The following PTDSS1 variants were observed in gnomAD, a reference collection of about 807,000 sequenced individuals.
The protein encoded by PTDSS1 is phosphatidylserine synthase 1, also known as PSS-1.
In PTDSS1, 45 loss-of-function variants were observed where a neutral mutation model predicts 70.5. The observed-to-expected ratio is 0.64, with a 90% CI of 0.50 to 0.82. The LOEUF is 0.82. Ranked by LOEUF, PTDSS1 falls within the 40% of genes least tolerant of loss-of-function variation. The probability of loss-of-function intolerance (pLI) is 0.00; values close to 1 mark genes in which losing one functional copy is unlikely to be tolerated. For missense variants in PTDSS1, 417 were observed against 586.1 expected, an observed-to-expected ratio of 0.71 and a Z score of 2.98; for synonymous variants, 188 against 203.8, an observed-to-expected ratio of 0.92 and a Z score of 0.66.
At chr8:96,283,095 T>C (rs967904213) in intron 2 of PTDSS1, among the ~76,000 whole-genome samples, 34 of 152,226 alleles carry the variant, frequency 2.2e-4, no homozygotes. Flanking sequence ...CTGCCCCTAC[T>C]GGCCAGGGCT....
chr8:96,287,345 C>G, intron 4 of PTDSS1, 199 bp downstream of exon 4: 1 of 625,216 alleles, frequency 1.6e-6, no homozygotes. Flanking sequence ...CCTCTCATTA[C>G]GCAAAGGGGT....
chr8:96,298,042 C>T (rs1440635949), intron 5 of PTDSS1, among the ~76,000 whole-genome samples: 1 of 152,216 alleles, frequency 6.6e-6, no homozygotes, highest in Non-Finnish European at 1.5e-5. Flanking sequence ...CCCACTTTCT[C>T]TTGCATAGTT....
intron 8 of PTDSS1, among the ~76,000 whole-genome samples, chr8:96,308,071 C>T (rs1219607597): frequency 6.6e-6 from 1 of 152,194 alleles, no homozygotes; most frequent in Non-Finnish European, 1.5e-5. Context: ...GATTTTAACA[C>T]AGCCACCCCA....
chr8:96,311,323 G>C (rs1811209464), intron 9 of PTDSS1, among the ~76,000 whole-genome samples: 1 of 152,118 alleles, frequency 6.6e-6, no homozygotes, highest in Non-Finnish European at 1.5e-5. Flanking sequence ...GAGTATGAGA[G>C]TATAAAGAAA....
At chr8:96,276,980 G>GCACACACACACACA (rs57116529) in intron 2 of PTDSS1, among the ~76,000 whole-genome samples, 31 of 145,896 alleles carry the variant, frequency 2.1e-4, no homozygotes, top group African/African-American at 8.2e-4. Flanking sequence ...GCACGCGCGC[G>GCACACACACACACA]CACACACACA....
intron 2 of PTDSS1, among the ~76,000 whole-genome samples, chr8:96,279,776 G>A (rs573455002): frequency 2.6e-5 from 4 of 151,966 alleles, no homozygotes; most frequent in East Asian, 1.9e-4. Context: ...CCGAGATTGC[G>A]CCACTGCACT....
chr8:96,287,063 T>C lies in PTDSS1; in HGVS notation c.358T>C (p.Phe120Leu), dbSNP rs1054151156. 1.2e-6 allele frequency: 2 copies of C among 1,613,896 alleles called. No homozygotes were observed. Among genetic ancestry groups the C allele is most frequent in the African/African-American group, 2.7e-5 (2 of 74,932 alleles). Residue 120 changes from phenylalanine to leucine, a missense_variant, in exon 4 of 13, where the codon TTC becomes CTC. By Grantham distance (22) the Phe-to-Leu change is conservative. Transcript: ENST00000517309. ...CTTCCTGTTCCTGGTATTCCTACTCTTCCTGAATTTCGAGCAGGTTAAATC... is the reference window on the plus strand; with the variant it reads ...CTTCCTGTTCCTGGTATTCCTACTCCTCCTGAATTTCGAGCAGGTTAAATC... ...LYFLFLVFLL[F>L]LNFEQVKSLM...
intron 3 of PTDSS1, 46 bp downstream of exon 3, chr8:96,284,199 C>CT (rs1174944191): frequency 1.3e-6 from 2 of 1,491,548 alleles, no homozygotes; most frequent in East Asian, 2.3e-5. Flanking sequence ...TTTTTTTAAT[C>CT]TTTTTTCTGC....
At chr8:96,278,966 G>GCA (rs1554582698) in intron 2 of PTDSS1, among the ~76,000 whole-genome samples, 161 of 136,840 alleles carry the variant, frequency 1.2e-3, no homozygotes, top group African/African-American at 4.3e-3. Flanking sequence ...ACACCATTCA[G>GCA]CCCCCCTTTT....
chr8:96,298,137 G>A (rs1473730490), intron 5 of PTDSS1, among the ~76,000 whole-genome samples: 1 of 152,132 alleles, frequency 6.6e-6, no homozygotes, highest in Non-Finnish European at 1.5e-5. Context: ...TCCATCTCGT[G>A]GCTTGGAACC....
At chr8:96,283,991 AC>A in intron 2 of PTDSS1, 117 bp from the exon 3 acceptor site, 13 of 777,586 alleles carry the variant, frequency 1.7e-5, no homozygotes, top group Admixed American at 2.9e-5. Flanking sequence ...AAAAAAAAAA[AC>A]TTTTAACAGT....
At chr8:96,294,837 T>C (rs1374015139) in intron 4 of PTDSS1, among the ~76,000 whole-genome samples, 1 of 152,234 alleles carries the variant, frequency 6.6e-6, no homozygotes, top group Non-Finnish European at 1.5e-5. Flanking sequence ...CTTTAGGATA[T>C]GTTGAGCCTT....
intron 9 of PTDSS1, among the ~76,000 whole-genome samples, chr8:96,317,274 G>A (rs980219798): frequency 6.6e-6 from 1 of 151,568 alleles, no homozygotes; most frequent in Non-Finnish European, 1.5e-5. Context: ...CCTCAGTCTG[G>A]GACTCTCCAC....
At chr8:96,303,887 G>C (rs946064126) in intron 6 of PTDSS1, among the ~76,000 whole-genome samples, 153 bp from the exon 7 acceptor site, 2 of 152,110 alleles carry the variant, frequency 1.3e-5, no homozygotes, top group African/African-American at 4.8e-5. Flanking sequence ...TACCTGTATA[G>C]AGAGACCTTT....
chr8:96,326,530 G>A (rs1218981407), intron 10 of PTDSS1, among the ~76,000 whole-genome samples: 1 of 152,192 alleles, frequency 6.6e-6, no homozygotes, highest in Non-Finnish European at 1.5e-5. Flanking sequence ...AAAAACTTGC[G>A]ACATGCAGGT....
chr8:96,273,274 C>T (rs1563561171), intron 1 of PTDSS1, 25 bp from the exon 2 acceptor site: 4 of 1,527,244 alleles, frequency 2.6e-6, no homozygotes, highest in Non-Finnish European at 3.6e-6. Context: ...AAAGTAAATG[C>T]TCAATGTTGT....
At chr8:96,315,219 G>A (rs1323467162) in intron 9 of PTDSS1, among the ~76,000 whole-genome samples, 1 of 152,180 alleles carries the variant, frequency 6.6e-6, no homozygotes, top group African/African-American at 2.4e-5. Context: ...TGGTCATTGA[G>A]TTAACATGGA....
At chr8:96,304,868 T>A (rs1811101343) in intron 7 of PTDSS1, among the ~76,000 whole-genome samples, 1 of 152,132 alleles carries the variant, frequency 6.6e-6, no homozygotes, top group African/African-American at 2.4e-5. Flanking sequence ...TCTTTCAGAG[T>A]CATCAGAAAT....
rs180845846 is a variant in PTDSS1 at position 96,279,220 on chromosome 8, A to G, written c.272-4889A>G. Among the ~76,000 whole-genome samples, 1,341 of 151,168 alleles carry G rather than the reference A, an allele frequency of 8.9e-3. 10 individuals are homozygous for G. Among genetic ancestry groups the G allele is most frequent in the Middle Eastern group, 0.048 (14 of 294 alleles). On this transcript the variant is annotated intron_variant, in intron 2 of 12. Coordinates refer to ENST00000517309, the MANE Select transcript of PTDSS1 (RefSeq NM_014754.3). ...GGTCTGGAACTCCTGACCTCAGGTG[A>G]TCTGCCTGCCTCGGCCTCCCAAAGT... is the stretch of plus-strand genomic sequence containing the variant.
Sources: allele counts gnomAD v4.1 joint callset (sites outside exome capture counted in the v4.1 genomes callset), GRCh38; gene constraint gnomAD v4.1.1; transcripts MANE v1.5; gene names NCBI Gene and HGNC (gene_info 2026-07-23, HGNC 2026-07-21).